The following CCBE1 variants were observed in gnomAD, a reference collection of about 807,000 sequenced individuals.
CCBE1 encodes collagen and calcium-binding EGF domain-containing protein 1.
A neutral mutation model predicts 50.0 loss-of-function variants in CCBE1; 37 were observed. That is an observed-to-expected ratio of 0.74 (90% CI 0.57 to 0.97). The LOEUF (loss-of-function observed/expected upper bound fraction) is 0.97, where lower values mean the gene tolerates loss of function less well. CCBE1 is among the 50% of genes least tolerant of loss of function. The pLI is 0.00. For synonymous variants in CCBE1, 234 were observed against 203.7 expected (o/e 1.15, Z -1.27); for missense variants, 538 against 523.8 (o/e 1.03, Z -0.26).
intron 2 of CCBE1, among the ~76,000 whole-genome samples, chr18:59,652,927 G>A (rs902857437): frequency 1.3e-5 from 2 of 151,104 alleles, no homozygotes; most frequent in Non-Finnish European, 2.9e-5. Context: ...ACGCACCACT[G>A]CACTCCAGCC....
intron 2 of CCBE1, among the ~76,000 whole-genome samples, chr18:59,585,363 T>C (rs907452015): frequency 6.6e-6 from 1 of 152,192 alleles, no homozygotes; most frequent in Non-Finnish European, 1.5e-5. Flanking sequence ...TTACATTTAT[T>C]TGGTGAACAT....
intron 2 of CCBE1, among the ~76,000 whole-genome samples, chr18:59,613,181 T>G (rs1438996161): frequency 6.6e-6 from 1 of 151,900 alleles, no homozygotes; most frequent in African/African-American, 2.4e-5. Flanking sequence ...CTGCAGGGCA[T>G]GGATGGGGTG....
chr18:59,668,986 A>C, intron 2 of CCBE1, among the ~76,000 whole-genome samples: 1 of 151,832 alleles, frequency 6.6e-6, no homozygotes, highest in Non-Finnish European at 1.5e-5. Flanking sequence ...GACACACGCC[A>C]CAACACCTGG....
intron 3 of CCBE1, among the ~76,000 whole-genome samples, chr18:59,470,469 G>A (rs748233844): frequency 1.9e-4 from 29 of 152,128 alleles, no homozygotes; most frequent in Non-Finnish European, 2.9e-4. Flanking sequence ...TTATAAGAGG[G>A]CCGATGCTTA....
intron 2 of CCBE1, among the ~76,000 whole-genome samples, chr18:59,547,942 T>G (rs921757635): frequency 3.3e-5 from 5 of 152,178 alleles, no homozygotes; most frequent in Non-Finnish European, 5.9e-5. Flanking sequence ...TTGGCCAGGA[T>G]TTTGAAGAAT....
chr18:59,576,524 A>C (rs982171879), intron 2 of CCBE1, among the ~76,000 whole-genome samples: 1 of 152,226 alleles, frequency 6.6e-6, no homozygotes, highest in Non-Finnish European at 1.5e-5. Flanking sequence ...GGTGTTTATG[A>C]CTGGGGCAAA....
intron 2 of CCBE1, among the ~76,000 whole-genome samples, chr18:59,542,957 G>T (rs1389212448): frequency 6.6e-6 from 1 of 152,186 alleles, no homozygotes; most frequent in South Asian, 2.1e-4. Context: ...CCAAGATCTC[G>T]CCAAACCCAG....
In CCBE1 at chr18:59,436,139, T is replaced by C. The variant is rs1272268667; in HGVS notation, c.990A>G (p.Gly330=). 1.9e-6 allele frequency: 3 copies of C among 1,613,896 alleles called. No individual in the cohort carries two copies. Among genetic ancestry groups the C allele is most frequent in the Non-Finnish European group, 2.5e-6 (3 of 1,179,930 alleles). Residue 330 remains glycine (G), a splice_region_variant and synonymous_variant, in exon 11 of 11, where the codon GGA becomes GGG. Transcript: ENST00000439986. ...GCAGGAAGTCGAAAGAACCAGGGGG[T>C]CCCTGTGTACATGGGAGGAATCAAA... The part of the protein sequence containing the change: ...RGAPGPRGSP[G]PPGSFDFLLL...
At chr18:59,596,359 C>A (rs78235853) in intron 2 of CCBE1, among the ~76,000 whole-genome samples, 19 of 152,268 alleles carry the variant, frequency 1.2e-4, no homozygotes, top group African/African-American at 4.3e-4. Flanking sequence ...GTCCAATAAT[C>A]ATTAGTCTTC....
chr18:59,606,838 A>G (rs1377831207), intron 2 of CCBE1, among the ~76,000 whole-genome samples: 1 of 152,204 alleles, frequency 6.6e-6, no homozygotes, highest in Non-Finnish European at 1.5e-5. Flanking sequence ...AGCTGTTCAA[A>G]GAAACCTTTT....
intron 6 of CCBE1, among the ~76,000 whole-genome samples, chr18:59,449,365 T>C (rs1910822619): frequency 7.8e-6 from 1 of 128,860 alleles, no homozygotes; most frequent in Admixed American, 7.7e-5. Flanking sequence ...CTCATGTCTC[T>C]AATCCCAGCA....
At chr18:59,528,805 C>T (rs1914931633) in intron 2 of CCBE1, among the ~76,000 whole-genome samples, 3 of 152,164 alleles carry the variant, frequency 2.0e-5, no homozygotes, top group Admixed American at 6.5e-5. Flanking sequence ...ATGCAGGCTG[C>T]AGAACAGCAA....
intron 7 of CCBE1, among the ~76,000 whole-genome samples, chr18:59,441,018 G>C (rs1197199633): frequency 1.3e-5 from 2 of 152,212 alleles, no homozygotes; most frequent in Non-Finnish European, 1.5e-5. Context: ...ATTATTTGAA[G>C]ACTGTGGAAC....
rs1254372143 is a variant in CCBE1, at chr18:59,431,920, G to C, written c.*3988C>G. 1.3e-5 allele frequency: 2 copies of C among 152,248 alleles called. No individual in the cohort carries two copies. Among genetic ancestry groups the C allele is most frequent in the South Asian group, 4.1e-4 (2 of 4,834 alleles). 9.4% of individuals were successfully genotyped at this position (152,248 alleles called of 1,614,324 possible). On this transcript the variant is annotated 3_prime_UTR_variant, in exon 11 of 11. Transcript: ENST00000439986. ...TTCTCCCTCTGGAACTGGGAAGGGA[G>C]GGGGGTTTCCTAAACTAAAATGCAT... is the stretch of plus-strand genomic sequence containing the variant.
intron 2 of CCBE1, among the ~76,000 whole-genome samples, chr18:59,630,596 G>T (rs1370366183): frequency 6.6e-6 from 1 of 152,134 alleles, no homozygotes; most frequent in African/African-American, 2.4e-5. Flanking sequence ...CTCATGTCTG[G>T]TATCTTTGCA....
chr18:59,599,004 G>A (rs1218823830), intron 2 of CCBE1, among the ~76,000 whole-genome samples: 1 of 152,122 alleles, frequency 6.6e-6, no homozygotes, highest in African/African-American at 2.4e-5. Context: ...ATTCAGCCAT[G>A]GCCGATATCA....
intron 2 of CCBE1, among the ~76,000 whole-genome samples, chr18:59,609,489 A>G (rs1415692980): frequency 6.6e-6 from 1 of 152,220 alleles, no homozygotes; most frequent in African/African-American, 2.4e-5. Flanking sequence ...AAACCTAGAC[A>G]GGAATCATCC....
At chr18:59,644,358 T>TA (rs949356636) in intron 2 of CCBE1, among the ~76,000 whole-genome samples, 11 of 152,322 alleles carry the variant, frequency 7.2e-5, no homozygotes, top group African/African-American at 2.6e-4. Context: ...CAATTTGAGA[T>TA]ACACTGGCCT....
intron 2 of CCBE1, among the ~76,000 whole-genome samples, chr18:59,517,373 A>T (rs1174201117): frequency 2.0e-5 from 3 of 152,184 alleles, no homozygotes; most frequent in Non-Finnish European, 2.9e-5. Context: ...GTTCCCTTTA[A>T]CTGGGGGAGA....
Sources: gnomAD v4.1 joint callset for allele counts (sites outside exome capture counted in the v4.1 genomes callset) on GRCh38, gnomAD v4.1.1 for gene constraint, MANE v1.5 for transcripts, NCBI Gene and HGNC (gene_info 2026-07-23, HGNC 2026-07-21) for gene names.